Variants in KCNK10 observed in about 807,000 individuals in gnomAD.
The protein encoded by KCNK10 is potassium two pore domain channel subfamily K member 10.
A neutral mutation model predicts 47.7 loss-of-function variants in KCNK10; 25 were observed. The observed-to-expected ratio is 0.52, with a 90% CI of 0.38 to 0.73. The LOEUF (loss-of-function observed/expected upper bound fraction) is 0.73, where lower values mean the gene tolerates loss of function less well. KCNK10 is among the 30% of genes least tolerant of loss of function. The pLI, the probability that KCNK10 is intolerant of heterozygous loss-of-function variation, is 0.00. For synonymous variants in KCNK10, 303 were observed against 285.6 expected, an observed-to-expected ratio of 1.06 and a Z score of -0.61; for missense variants, 563 against 714.5, an observed-to-expected ratio of 0.79 and a Z score of 2.42.
rs947490359 is a variant in KCNK10, at chr14:88,182,716, T to A, written c.*2819A>T. On this transcript the variant is annotated 3_prime_UTR_variant, in exon 7 of 7. Transcript: ENST00000319231. Reference sequence around the variant, plus strand: ...GATCCCTCTGTGTGACTGATTTGACTCATTTGGGGAAGCATCTATGCACAT... The same window carrying A: ...GATCCCTCTGTGTGACTGATTTGACACATTTGGGGAAGCATCTATGCACAT... 6.6e-6 allele frequency: 1 copy of A among 152,366 alleles called. No homozygotes were observed. Among genetic ancestry groups the A allele is most frequent in the Non-Finnish European group, 1.5e-5 (1 of 68,048 alleles). 9.4% of individuals were successfully genotyped at this position (152,366 alleles called of 1,614,324 possible). A position where few individuals can be genotyped will look rare whatever the true frequency, so the allele number is the denominator to read the frequency against.
chr14:88,277,708 A>G (rs73328093), intron 1 of KCNK10, among the ~76,000 whole-genome samples: 2,782 of 152,282 alleles, frequency 0.018, 77 homozygotes, highest in African/African-American at 0.063. Flanking sequence ...GGTTTGGGGA[A>G]TAAAATGTGG....
rs144067949 is a variant in KCNK10 at position 88,211,660 on chromosome 14, G to A, written c.681+15715C>T. ...CGGCTGTAATCCCAGTGCTTTGGGA[G>A]GCCGAGGCAGGTGGATCATGAGGTC... On this transcript the variant is annotated intron_variant, in intron 4 of 6. Coordinates refer to ENST00000319231, the MANE Select transcript of KCNK10 (RefSeq NM_138317.3). 9.1e-3 allele frequency among the ~76,000 whole-genome samples: 1,378 copies of A among 152,258 alleles called. 18 individuals carry two copies. Among genetic ancestry groups the A allele is most frequent in the African/African-American group, 0.031 (1,302 of 41,548 alleles).
upstream of KCNK10, chr14:88,323,321 C>A: frequency 1.0e-6 from 1 of 982,780 alleles, no homozygotes. Context: ...CGCCCCACCC[C>A]GGCCGCGGCT....
Position 88,322,788 on chromosome 14 carries a change from G to A in KCNK10, c.11C>T (p.Pro4Leu), listed in dbSNP as rs2139810151. 1.2e-6 allele frequency: 2 copies of A among 1,614,166 alleles called. No homozygotes were observed. The highest frequency in any genetic ancestry group is 2.2e-5 in the East Asian group (1 of 44,868). Residue 4 changes from proline (P) to leucine (L), a missense_variant, in exon 1 of 7, where the codon CCA (proline) becomes CTA (leucine). Pro to Leu is a moderately conservative substitution (Grantham distance 98). Transcript: ENST00000319231. The surrounding 1 kb of genome is among the most constrained non-coding windows in gnomAD (Gnocchi z 4.8). MKF[P>L]IETPRKQVNW... is the part of the protein sequence containing the mutation. ...CACCTGTTTTCTTGGCGTCTCGATT[G>A]GAAATTTCATTGCTTCGTTGCCCAG... is the stretch of plus-strand genomic sequence containing the variant.
At chr14:88,313,871 C>T (rs138109916) in intron 1 of KCNK10, among the ~76,000 whole-genome samples, 9 of 152,298 alleles carry the variant, frequency 5.9e-5, no homozygotes, top group African/African-American at 1.7e-4. Flanking sequence ...TGACTGAGCA[C>T]GTATCATCCT....
chr14:88,254,476 T>C (rs1886890216), intron 2 of KCNK10, among the ~76,000 whole-genome samples: 1 of 152,136 alleles, frequency 6.6e-6, no homozygotes, highest in African/African-American at 2.4e-5. Flanking sequence ...ACTCAAAATC[T>C]TCAAACATCT....
At chr14:88,279,545 A>C (rs767091662) in intron 1 of KCNK10, among the ~76,000 whole-genome samples, 4 of 152,096 alleles carry the variant, frequency 2.6e-5, no homozygotes, top group Non-Finnish European at 4.4e-5. Flanking sequence ...ATAGCAACAA[A>C]ATTTTTAAAG....
At chr14:88,317,850 C>T (rs181960693) in intron 1 of KCNK10, among the ~76,000 whole-genome samples, 14 of 151,926 alleles carry the variant, frequency 9.2e-5, no homozygotes, top group African/African-American at 3.1e-4. Context: ...AAAGTGTGCA[C>T]TAAAAGTGTA....
intron 1 of KCNK10, among the ~76,000 whole-genome samples, chr14:88,279,656 C>T (rs1887603852): frequency 6.6e-6 from 1 of 152,128 alleles, no homozygotes; most frequent in Non-Finnish European, 1.5e-5. Context: ...TATCTGCCAG[C>T]TCTAAGGTAA....
At chr14:88,204,248 T>C (rs1181846035) in intron 4 of KCNK10, among the ~76,000 whole-genome samples, 3 of 152,100 alleles carry the variant, frequency 2.0e-5, no homozygotes, top group South Asian at 2.1e-4. Context: ...CCTCGAGAAA[T>C]AACAGCACTG....
chr14:88,202,172 A>T (rs1026561550), intron 4 of KCNK10, among the ~76,000 whole-genome samples: 2 of 152,190 alleles, frequency 1.3e-5, no homozygotes, highest in Non-Finnish European at 2.9e-5. Context: ...TAGAAAATGG[A>T]ATTGGATCAA....
intron 4 of KCNK10, among the ~76,000 whole-genome samples, chr14:88,219,798 G>A (rs1238673071): frequency 6.6e-6 from 1 of 152,064 alleles, no homozygotes; most frequent in African/African-American, 2.4e-5. Flanking sequence ...CCCCCACCAC[G>A]ACCACAAATA....
upstream of KCNK10, among the ~76,000 whole-genome samples, chr14:88,326,078 A>G (rs551800395): frequency 6.0e-5 from 9 of 150,062 alleles, no homozygotes; most frequent in East Asian, 1.8e-3. Flanking sequence ...TAATCACTGG[A>G]TGCCGCCCCC....
intron 1 of KCNK10, among the ~76,000 whole-genome samples, chr14:88,318,611 A>G (rs1888476472): frequency 6.6e-6 from 1 of 152,230 alleles, no homozygotes; most frequent in Non-Finnish European, 1.5e-5. Flanking sequence ...CATTATAAGC[A>G]GTGGGAATTC....
At chr14:88,221,742 C>A (rs1885816465) in intron 4 of KCNK10, among the ~76,000 whole-genome samples, 1 of 152,166 alleles carries the variant, frequency 6.6e-6, no homozygotes, top group Non-Finnish European at 1.5e-5. Flanking sequence ...ACCAAAAAAC[C>A]TGTGCACAGA....
At position 88,263,238 on chromosome 14, in the gene KCNK10, G is replaced by C; in HGVS notation, c.366C>G (p.Val122=). ...LEKAEFLRDH[V]CVSPQELETL... Reference sequence around the variant, plus strand: ...TCTCCAGCTCCTGGGGGCTCACACAGACATGATCCCGCAGGAATTCCGCCT... The same window carrying C: ...TCTCCAGCTCCTGGGGGCTCACACACACATGATCCCGCAGGAATTCCGCCT... The change falls in exon 2 of 7, where the codon GTC becomes GTG. Residue 122 remains valine, a synonymous_variant. Transcript: ENST00000319231. The C allele has an allele frequency of 1.2e-6, 2 of 1,614,200 alleles. No individual in the cohort carries two copies. Among genetic ancestry groups the C allele is most frequent in the Non-Finnish European group, 1.7e-6 (2 of 1,180,022 alleles).
rs147996063 is a variant in KCNK10, at chr14:88,313,094, G to A, written c.52+9653C>T. Among the ~76,000 whole-genome samples, 16 of 152,304 alleles carry A rather than the reference G, an allele frequency of 1.1e-4. No homozygotes were observed. In the East Asian group the frequency reaches 1.5e-3, roughly 15 times the overall value. On this transcript the variant is annotated intron_variant, in intron 1 of 6. Coordinates refer to ENST00000319231, the MANE Select transcript of KCNK10 (RefSeq NM_138317.3). Reference sequence around the variant, plus strand: ...AATCAGACAGACTCGGGTTCAAGTCGTAGCATGACTAGGTAACTTTGGGCA... The same window carrying A: ...AATCAGACAGACTCGGGTTCAAGTCATAGCATGACTAGGTAACTTTGGGCA...
intron 1 of KCNK10, among the ~76,000 whole-genome samples, chr14:88,270,542 C>T (rs1332627591): frequency 8.5e-5 from 13 of 152,178 alleles, no homozygotes; most frequent in Admixed American, 8.5e-4. Flanking sequence ...GCATTGCTCC[C>T]TGCTGTCTTC....
chr14:88,240,642 A>T, intron 3 of KCNK10, 61 bp downstream of exon 3: 2 of 1,076,322 alleles, frequency 1.9e-6, no homozygotes, highest in Non-Finnish European at 2.9e-6. Context: ...CAAAACACTG[A>T]CTAAGCGCCC....
Sources: gnomAD v4.1 joint callset for allele counts (sites outside exome capture counted in the v4.1 genomes callset) on GRCh38, gnomAD v4.1.1 for gene constraint, Gnocchi (gnomAD v3.1) non-coding constraint, MANE v1.5 for transcripts, NCBI Gene and HGNC (gene_info 2026-07-23, HGNC 2026-07-21) for gene names.